Variants in CNTN4 observed in about 807,000 individuals in gnomAD.
The protein encoded by CNTN4 is contactin-4.
CNTN4 carries 77 observed loss-of-function variants against 122.5 expected under a neutral mutation model. The observed-to-expected ratio is 0.63, with a 90% CI of 0.52 to 0.76. The LOEUF is 0.76. Ranked by LOEUF, CNTN4 falls within the 30% of genes least tolerant of loss-of-function variation. CNTN4 has a pLI of 0.00. For missense variants in CNTN4, 1,256 were observed against 1,259.1 expected (o/e 1.00, Z 0.04); for synonymous variants, 512 against 447.0 (o/e 1.15, Z -1.83).
Position 2,782,293 on chromosome 3 carries a change from G to T in CNTN4, c.358+36596G>T, listed in dbSNP as rs553462294. Among the ~76,000 whole-genome samples the T allele has an allele frequency of 7.9e-5, 9 of 113,238 alleles. No individual in the cohort carries two copies. In the South Asian group the frequency reaches 1.4e-3, roughly 18 times the overall value. 74.3% of individuals were successfully genotyped at this position (113,238 alleles called of 152,430 possible). ...GAGGAAGTCCATTTAGATGGTAGGTGGGGGGGGGCCTTAGAATTTTATTTG... is the reference window on the plus strand; with the variant it reads ...GAGGAAGTCCATTTAGATGGTAGGTTGGGGGGGGCCTTAGAATTTTATTTG... On this transcript the variant is annotated intron_variant, in intron 6 of 24. Transcript: ENST00000418658.
chr3:2,268,166 C>A (rs746113503), intron 2 of CNTN4, among the ~76,000 whole-genome samples: 1 of 152,030 alleles, frequency 6.6e-6, no homozygotes, highest in African/African-American at 2.4e-5. Context: ...CATAGCTGTT[C>A]GATGATACAG....
intron 7 of CNTN4, among the ~76,000 whole-genome samples, chr3:2,852,528 T>G (rs1261583474): frequency 6.6e-6 from 1 of 152,176 alleles, no homozygotes; most frequent in Non-Finnish European, 1.5e-5. Context: ...ATTTATTGAG[T>G]GCTACCATGT....
At chr3:2,673,060 A>G (rs2084627887) in intron 4 of CNTN4, among the ~76,000 whole-genome samples, 1 of 152,164 alleles carries the variant, frequency 6.6e-6, no homozygotes. Context: ...CAAGTATGTT[A>G]TTTTGCAAAG....
At chr3:2,282,771 T>G (rs2149909606) in intron 2 of CNTN4, among the ~76,000 whole-genome samples, 1 of 152,286 alleles carries the variant, frequency 6.6e-6, no homozygotes, top group South Asian at 2.1e-4. Flanking sequence ...ATAATTCGAT[T>G]AAACAAAATC....
chr3:2,471,155 G>A (rs1559582897), intron 3 of CNTN4, among the ~76,000 whole-genome samples: 1 of 152,172 alleles, frequency 6.6e-6, no homozygotes, highest in African/African-American at 2.4e-5. Flanking sequence ...AGAGGTTATC[G>A]AGTTCCCCAT....
intron 4 of CNTN4, among the ~76,000 whole-genome samples, chr3:2,604,825 C>A (rs76463490): frequency 1.2e-4 from 18 of 152,014 alleles, no homozygotes; most frequent in Admixed American, 7.9e-4. Context: ...TCTCCTGCCC[C>A]CTTGTTGTTG....
intron 2 of CNTN4, among the ~76,000 whole-genome samples, chr3:2,325,446 T>A (rs957728371): frequency 6.6e-6 from 1 of 152,236 alleles, no homozygotes; most frequent in African/African-American, 2.4e-5. Context: ...TTAAAACTCT[T>A]TAGCATTCTC....
chr3:2,390,420 T>C (rs1383929752), intron 3 of CNTN4, among the ~76,000 whole-genome samples: 1 of 152,118 alleles, frequency 6.6e-6, no homozygotes, highest in Non-Finnish European at 1.5e-5. Flanking sequence ...TCCATTAATA[T>C]ATAATCAGAG....
intron 4 of CNTN4, among the ~76,000 whole-genome samples, chr3:2,580,325 GC>G (rs1406684386): frequency 2.6e-5 from 4 of 152,136 alleles, no homozygotes; most frequent in African/African-American, 9.7e-5. Flanking sequence ...CCTGGCAGTG[GC>G]AGAGAGCTGA....
At chr3:2,191,208 A>C (rs953074947) in intron 2 of CNTN4, among the ~76,000 whole-genome samples, 4 of 151,276 alleles carry the variant, frequency 2.6e-5, no homozygotes. Flanking sequence ...AGCTGTGACT[A>C]CAGGCACGTG....
chr3:2,613,873 T>A (rs149339957), intron 4 of CNTN4, among the ~76,000 whole-genome samples: 1 of 152,144 alleles, frequency 6.6e-6, no homozygotes, highest in African/African-American at 2.4e-5. Context: ...CTGTTCCACA[T>A]TGAATAAACC....
intron 23 of CNTN4, among the ~76,000 whole-genome samples, chr3:3,051,179 AAC>A (rs1477729503): frequency 6.6e-6 from 1 of 152,210 alleles, no homozygotes; most frequent in Non-Finnish European, 1.5e-5. Flanking sequence ...CCTGATTTAG[AAC>A]ACACAGTGTT....
chr3:2,574,881 T>G (rs533079873), intron 4 of CNTN4, among the ~76,000 whole-genome samples: 2 of 152,156 alleles, frequency 1.3e-5, no homozygotes, highest in East Asian at 3.9e-4. Flanking sequence ...CTCTAGGATT[T>G]CCATAATGTT....
At chr3:2,364,114 G>A (rs1303170506) in intron 3 of CNTN4, among the ~76,000 whole-genome samples, 6 of 151,958 alleles carry the variant, frequency 3.9e-5, no homozygotes, top group African/African-American at 1.2e-4. Context: ...GCTTGGTTTG[G>A]GGGTGGGCAA....
chr3:2,204,669 A>AT (rs1487758625), intron 2 of CNTN4, among the ~76,000 whole-genome samples: 6 of 151,910 alleles, frequency 3.9e-5, no homozygotes, highest in Non-Finnish European at 7.4e-5. Flanking sequence ...TCCTCTGTTA[A>AT]TTTTTGTTTT....
intron 8 of CNTN4, among the ~76,000 whole-genome samples, chr3:2,873,674 G>A (rs938092531): frequency 6.6e-6 from 1 of 152,172 alleles, no homozygotes; most frequent in Non-Finnish European, 1.5e-5. Flanking sequence ...GGCATCAACA[G>A]CCACTATTTT....
At chr3:2,262,535 G>C (rs888672790) in intron 2 of CNTN4, 11 of 151,590 alleles carry the variant, frequency 7.3e-5, no homozygotes, top group African/African-American at 2.4e-4. Flanking sequence ...TATGTACCTT[G>C]ATAATTTACT....
At chr3:2,690,212 T>C (rs950726736) in intron 4 of CNTN4, among the ~76,000 whole-genome samples, 5 of 152,170 alleles carry the variant, frequency 3.3e-5, no homozygotes, top group African/African-American at 1.2e-4. Context: ...ACAAGTAACA[T>C]TTCAGTTAAA....
chr3:2,561,548 C>G (rs897403112), intron 3 of CNTN4, among the ~76,000 whole-genome samples: 2 of 152,122 alleles, frequency 1.3e-5, no homozygotes, highest in African/African-American at 4.8e-5. Context: ...TCTCCCAGAA[C>G]CAGATCCTTC....
Sources: allele counts gnomAD v4.1 joint callset (sites outside exome capture counted in the v4.1 genomes callset), GRCh38; gene constraint gnomAD v4.1.1; transcripts MANE v1.5; gene names NCBI Gene and HGNC (gene_info 2026-07-23, HGNC 2026-07-21).